The following SSBP2 variants were observed in gnomAD, a reference collection of about 807,000 sequenced individuals.
SSBP2 encodes single-stranded DNA-binding protein 2.
A neutral mutation model predicts 61.8 loss-of-function variants in SSBP2; 17 were observed. The ratio of observed to expected loss-of-function variants is 0.28; its 90% CI spans 0.19 to 0.41. The LOEUF (loss-of-function observed/expected upper bound fraction) is 0.41. Among genes scored for constraint, SSBP2 ranks in the 10% least tolerant of loss-of-function variants. The pLI, the probability that SSBP2 is intolerant of heterozygous loss-of-function variation, is 1.00. For synonymous variants in SSBP2, 139 were observed against 141.3 expected (o/e 0.98, Z 0.12); for missense variants, 310 against 458.7 (o/e 0.68, Z 2.96).
In SSBP2 at chr5:81,477,724, A is replaced by G. The variant is rs142342334; in HGVS notation, c.433-3162T>C. On this transcript the variant is annotated intron_variant, in intron 6 of 16. Coordinates refer to ENST00000320672, the MANE Select transcript of SSBP2 (RefSeq NM_012446.5). ...TTCAGAGAACTTAAATACTACCATG[A>G]CTTGTTTTCTTCTCTGTATCTCCAG... 5.3e-4 allele frequency among the ~76,000 whole-genome samples: 80 copies of G among 151,992 alleles called. No individual in the cohort carries two copies. The East Asian group carries it at 5.4e-3, about 10-fold the overall frequency.
intron 1 of SSBP2, among the ~76,000 whole-genome samples, chr5:81,702,436 A>G (rs1414929688): frequency 1.3e-5 from 2 of 152,194 alleles, no homozygotes; most frequent in African/African-American, 4.8e-5. Context: ...CTATAGATAG[A>G]ATCTGCCTAC....
chr5:81,672,879 T>A (rs539375800), intron 1 of SSBP2, among the ~76,000 whole-genome samples: 85 of 150,574 alleles, frequency 5.6e-4, no homozygotes, highest in African/African-American at 2.0e-3. Context: ...TGGCCTCTTT[T>A]TTTTTTTTTT....
At chr5:81,588,432 T>C (rs1166965267) in intron 4 of SSBP2, among the ~76,000 whole-genome samples, 1 of 152,170 alleles carries the variant, frequency 6.6e-6, no homozygotes, top group Non-Finnish European at 1.5e-5. Context: ...TAGGTCTTTA[T>C]GATTTTAAAG....
At chr5:81,547,739 C>T (rs755922152) in intron 4 of SSBP2, among the ~76,000 whole-genome samples, 7 of 152,160 alleles carry the variant, frequency 4.6e-5, no homozygotes, top group Middle Eastern at 3.2e-3. Context: ...TCACAAAATG[C>T]TGGAATTAAA....
intron 1 of SSBP2, among the ~76,000 whole-genome samples, chr5:81,741,325 A>G (rs1047011578): frequency 6.6e-6 from 1 of 152,234 alleles, no homozygotes; most frequent in African/African-American, 2.4e-5. Flanking sequence ...TCAAGGGCAC[A>G]TAGAAGGCGG....
intron 10 of SSBP2, among the ~76,000 whole-genome samples, chr5:81,457,164 A>G (rs964074906): frequency 6.6e-6 from 1 of 152,220 alleles, no homozygotes; most frequent in African/African-American, 2.4e-5. Context: ...CTGGGAAAAT[A>G]TAAGAAGAGC....
At chr5:81,690,199 C>T (rs1753101719) in intron 1 of SSBP2, among the ~76,000 whole-genome samples, 2 of 151,874 alleles carry the variant, frequency 1.3e-5, no homozygotes, top group Non-Finnish European at 2.9e-5. Flanking sequence ...AAGAGAAGAC[C>T]ATAAGACAAC....
chr5:81,426,357 C>T (rs1321436666), intron 16 of SSBP2, among the ~76,000 whole-genome samples: 1 of 152,186 alleles, frequency 6.6e-6, no homozygotes, highest in Non-Finnish European at 1.5e-5. Flanking sequence ...GCTGTACTAC[C>T]CTCCAGGGTG....
Position 81,437,420 on chromosome 5 carries a change from C to A in SSBP2, c.957+10G>T, listed in dbSNP as rs769842595. On this transcript the variant is annotated intron_variant, in intron 15 of 16. Coordinates refer to ENST00000320672, the MANE Select transcript of SSBP2 (RefSeq NM_012446.5). The stretch of plus-strand genomic sequence containing the variant: ...CTGATTAAAAACAACACAGAATACA[C>A]AGCACTCACCTTGGAAATACTGTCC... 6 of 1,604,500 alleles carry A rather than the reference C, an allele frequency of 3.7e-6. No individual in the cohort carries two copies. The South Asian group carries it at 6.8e-5, about 18-fold the overall frequency.
intron 3 of SSBP2, among the ~76,000 whole-genome samples, chr5:81,633,967 G>A (rs1304041599): frequency 6.6e-6 from 1 of 152,172 alleles, no homozygotes; most frequent in African/African-American, 2.4e-5. Flanking sequence ...TATAGAACTA[G>A]AGTGACATGG....
At chr5:81,751,670 T>C (rs1345475692), upstream of SSBP2, 1 of 154,528 alleles carries the variant, frequency 6.5e-6, no homozygotes, top group Non-Finnish European at 1.4e-5. Context: ...GTACCCACGA[T>C]TGATTTTTGC....
At chr5:81,648,858 A>G (rs1749492982) in intron 2 of SSBP2, among the ~76,000 whole-genome samples, 2 of 152,000 alleles carry the variant, frequency 1.3e-5, no homozygotes, top group South Asian at 4.1e-4. Flanking sequence ...TAATTTTAGT[A>G]ATATATTTTA....
chr5:81,749,388 A>G (rs898366750), intron 1 of SSBP2, among the ~76,000 whole-genome samples: 1 of 152,330 alleles, frequency 6.6e-6, no homozygotes, highest in Middle Eastern at 3.4e-3. Context: ...CTGCCAACAC[A>G]AAGATTAGGA....
chr5:81,470,641 G>A (rs1765189443), intron 8 of SSBP2, among the ~76,000 whole-genome samples: 1 of 151,808 alleles, frequency 6.6e-6, no homozygotes, highest in African/African-American at 2.4e-5. Flanking sequence ...CTGATCTTAA[G>A]CTCAAAAAGT....
chr5:81,626,636 A>G (rs1747179585), intron 3 of SSBP2, among the ~76,000 whole-genome samples: 1 of 152,132 alleles, frequency 6.6e-6, no homozygotes, highest in African/African-American at 2.4e-5. Flanking sequence ...TTGTTAGCCT[A>G]CCTTTGACCC....
chr5:81,546,716 A>G (rs1771753638), intron 4 of SSBP2, among the ~76,000 whole-genome samples: 1 of 152,136 alleles, frequency 6.6e-6, no homozygotes. Context: ...TTTTAGTAAA[A>G]TATTATGAAT....
chr5:81,687,280 A>C (rs956918869), intron 1 of SSBP2, among the ~76,000 whole-genome samples: 2 of 152,202 alleles, frequency 1.3e-5, no homozygotes, highest in Admixed American at 1.3e-4. Context: ...CTCAGTTGGC[A>C]CTCATGGAGG....
intron 3 of SSBP2, chr5:81,616,114 A>T (rs923475594): frequency 2.6e-5 from 4 of 154,172 alleles, no homozygotes; most frequent in African/African-American, 9.6e-5. Flanking sequence ...ATGGCCGAAT[A>T]GGAACAGCTC....
intron 1 of SSBP2, among the ~76,000 whole-genome samples, chr5:81,682,799 C>CTAA (rs1387569714): frequency 6.6e-6 from 1 of 152,056 alleles, no homozygotes; most frequent in African/African-American, 2.4e-5. Context: ...CTTGCTGGAA[C>CTAA]TAATAAACAA....
Sources: gnomAD v4.1 joint callset for allele counts (sites outside exome capture counted in the v4.1 genomes callset) on GRCh38, gnomAD v4.1.1 for gene constraint, MANE v1.5 for transcripts, NCBI Gene and HGNC (gene_info 2026-07-23, HGNC 2026-07-21) for gene names.